The following ROBO1 variants were observed in gnomAD, a reference collection of about 807,000 sequenced individuals.
The protein encoded by ROBO1 is roundabout guidance receptor 1.
ROBO1 carries 149 observed loss-of-function variants against 195.9 expected under a neutral mutation model. The ratio of observed to expected loss-of-function variants is 0.76; its 90% CI spans 0.67 to 0.87. The LOEUF (loss-of-function observed/expected upper bound fraction) is 0.87, where lower values mean the gene tolerates loss of function less well. ROBO1 is among the 40% of genes least tolerant of loss of function. ROBO1 has a pLI of 0.00. For synonymous variants in ROBO1, 816 were observed against 733.2 expected (o/e 1.11, Z -1.82); for missense variants, 1,933 against 2,068.3 (o/e 0.93, Z 1.27).
chr3:79,574,932 A>C (rs1194745075), intron 2 of ROBO1, among the ~76,000 whole-genome samples: 2 of 151,038 alleles, frequency 1.3e-5, no homozygotes, highest in Non-Finnish European at 3.0e-5. Context: ...AAAACTAAAA[A>C]CATAACTTCC....
chr3:78,627,351 G>A lies in ROBO1; in HGVS notation c.3845C>T (p.Thr1282Ile), dbSNP rs754682889. 2.5e-6 allele frequency: 4 copies of A among 1,612,514 alleles called. No individual in the cohort carries two copies. The East Asian group carries it at 8.9e-5, about 36-fold the overall frequency. Reference protein sequence around the residue: ...QPMLQDCPEETGHMQHQPDRR... With the variant: ...QPMLQDCPEEIGHMQHQPDRR... ...GTCGGGCTGGTGCTGCATGTGGCCA[G>A]TCTCCTCTGGACAATCCTGTAACAT... Residue 1282 changes from threonine to isoleucine, a missense_variant, in exon 26 of 31, where the codon ACT becomes ATT. Around this residue, in one of 3 missense-constraint regions of ROBO1, gnomAD observed 1,737 missense variants for 1,882.5 expected, o/e 0.92. Coordinates refer to ENST00000464233, the MANE Select transcript of ROBO1 (RefSeq NM_002941.4).
At chr3:78,951,379 C>T (rs1332815468) in intron 3 of ROBO1, among the ~76,000 whole-genome samples, 1 of 151,964 alleles carries the variant, frequency 6.6e-6, no homozygotes, top group Non-Finnish European at 1.5e-5. Context: ...ATCTGATAAC[C>T]ATCATTCTAG....
chr3:79,139,216 G>A (rs939006741), intron 2 of ROBO1, among the ~76,000 whole-genome samples: 1 of 151,652 alleles, frequency 6.6e-6, no homozygotes, highest in South Asian at 2.1e-4. Flanking sequence ...TGCAATATTA[G>A]GAAGGTAAAT....
chr3:79,030,487 G>A (rs1030873351), intron 3 of ROBO1, among the ~76,000 whole-genome samples: 1 of 152,172 alleles, frequency 6.6e-6, no homozygotes, highest in Non-Finnish European at 1.5e-5. Context: ...GATTATATAA[G>A]ATGGTGGGCA....
chr3:79,094,771 T>A (rs1424168254), intron 3 of ROBO1, among the ~76,000 whole-genome samples: 1 of 152,006 alleles, frequency 6.6e-6, no homozygotes, highest in Non-Finnish European at 1.5e-5. Flanking sequence ...GATTCTAGAC[T>A]TGGGAAATAT....
chr3:79,526,242 T>C (rs529781642), intron 2 of ROBO1, among the ~76,000 whole-genome samples: 1 of 152,334 alleles, frequency 6.6e-6, no homozygotes, highest in African/African-American at 2.4e-5. Context: ...CGTATATGTG[T>C]TGCAGAATGA....
At chr3:79,440,683 G>A (rs2039023375) in intron 2 of ROBO1, among the ~76,000 whole-genome samples, 1 of 152,100 alleles carries the variant, frequency 6.6e-6, no homozygotes, top group African/African-American at 2.4e-5. Context: ...GTGGGACTAA[G>A]TTTTCTATCC....
intron 1 of ROBO1, among the ~76,000 whole-genome samples, chr3:79,704,411 A>G (rs116805370): frequency 0.014 from 2,124 of 152,062 alleles, 30 homozygotes; most frequent in African/African-American, 0.035. Context: ...TGACTTTTCT[A>G]GAATATCATA....
intron 2 of ROBO1, among the ~76,000 whole-genome samples, chr3:79,371,556 G>A (rs1196291828): frequency 6.6e-5 from 10 of 151,940 alleles, no homozygotes; most frequent in Admixed American, 3.9e-4. Context: ...TTGAATTTAC[G>A]TAAAGACACA....
chr3:79,137,505 T>C (rs1482707559), intron 2 of ROBO1, among the ~76,000 whole-genome samples: 3 of 152,072 alleles, frequency 2.0e-5, no homozygotes, highest in Non-Finnish European at 4.4e-5. Context: ...AAGTAAAACC[T>C]GCACTGATTA....
intron 3 of ROBO1, among the ~76,000 whole-genome samples, chr3:79,045,485 T>C (rs1368411264): frequency 3.9e-5 from 6 of 152,036 alleles, no homozygotes; most frequent in Non-Finnish European, 7.4e-5. Context: ...CATATGGAGA[T>C]ATATGGAGAG....
chr3:79,599,850 A>T (rs1944287569), intron 1 of ROBO1, among the ~76,000 whole-genome samples: 1 of 152,038 alleles, frequency 6.6e-6, no homozygotes, highest in Non-Finnish European at 1.5e-5. Context: ...AAGACATTTT[A>T]AAAAATGATC....
At chr3:79,109,694 T>C (rs571854690) in intron 3 of ROBO1, among the ~76,000 whole-genome samples, 64 of 152,242 alleles carry the variant, frequency 4.2e-4, no homozygotes, top group African/African-American at 1.5e-3. Flanking sequence ...TTATTAGAAC[T>C]AACCGAATAG....
rs79924616 is a variant in ROBO1, at chr3:79,411,558, T to C, written c.88+178266A>G. ...GATGCAAGGAATTTTATTACATATC[T>C]AGCATTTGAATATCAACAAATTTTA... On this transcript the variant is annotated intron_variant, in intron 2 of 30. Coordinates refer to ENST00000464233, the MANE Select transcript of ROBO1 (RefSeq NM_002941.4). 1.2e-3 allele frequency among the ~76,000 whole-genome samples: 180 copies of C among 152,294 alleles called. 3 individuals are homozygous for C. In the East Asian group the frequency reaches 0.024, roughly 21 times the overall value.
rs559270997 is a variant in ROBO1, at chr3:78,891,381, T to A, written c.499+47220A>T. 1.4e-4 allele frequency among the ~76,000 whole-genome samples: 21 copies of A among 152,200 alleles called. No individual in the cohort carries two copies. The South Asian group carries it at 3.3e-3, about 24-fold the overall frequency. On this transcript the variant is annotated intron_variant, in intron 4 of 30. Coordinates refer to ENST00000464233, the MANE Select transcript of ROBO1 (RefSeq NM_002941.4). ...AAAAATTCAACATCATGAAGCATCA[T>A]GGAAACACAAATTAAACCACGGTGA... is the stretch of plus-strand genomic sequence containing the variant.
chr3:79,564,083 A>C (rs1449715652), intron 2 of ROBO1, among the ~76,000 whole-genome samples: 1 of 151,988 alleles, frequency 6.6e-6, no homozygotes, highest in Non-Finnish European at 1.5e-5. Context: ...AAAGACTCCA[A>C]TTCCAAGATA....
intron 3 of ROBO1, among the ~76,000 whole-genome samples, chr3:79,124,213 C>T (rs2080172669): frequency 6.6e-6 from 1 of 152,080 alleles, no homozygotes; most frequent in African/African-American, 2.4e-5. Flanking sequence ...ATCCCACCCC[C>T]ATAGACTTTC....
intron 2 of ROBO1, among the ~76,000 whole-genome samples, chr3:79,427,454 T>C (rs2038493897): frequency 6.6e-6 from 1 of 152,216 alleles, no homozygotes; most frequent in Non-Finnish European, 1.5e-5. Context: ...GACGCAATTC[T>C]AATGCCAGCT....
At chr3:79,723,274 C>T (rs1181834901) in intron 1 of ROBO1, among the ~76,000 whole-genome samples, 1 of 152,142 alleles carries the variant, frequency 6.6e-6, no homozygotes, top group African/African-American at 2.4e-5. Flanking sequence ...ATTTTCCATG[C>T]TAACTCTTTG....
Sources: allele counts gnomAD v4.1 joint callset (sites outside exome capture counted in the v4.1 genomes callset), GRCh38; gene constraint gnomAD v4.1.1; regional missense constraint gnomAD v4.1.1; transcripts MANE v1.5; gene names NCBI Gene and HGNC (gene_info 2026-07-23, HGNC 2026-07-21).